Variants in DENND1A observed in about 807,000 individuals in gnomAD.
DENND1A encodes DENN domain-containing protein 1A.
DENND1A carries 51 observed loss-of-function variants against 113.7 expected under a neutral mutation model. That is an observed-to-expected ratio of 0.45 (90% CI 0.36 to 0.57). The LOEUF is 0.57. Among genes scored for constraint, DENND1A ranks in the 20% least tolerant of loss-of-function variants. The pLI is 0.00. For synonymous variants in DENND1A, 565 were observed against 570.8 expected, an observed-to-expected ratio of 0.99 and a Z score of 0.14; for missense variants, 1,258 against 1,395.9, an observed-to-expected ratio of 0.90 and a Z score of 1.57.
intron 5 of DENND1A, among the ~76,000 whole-genome samples, chr9:123,719,550 A>G (rs922838433): frequency 2.6e-5 from 4 of 152,216 alleles, no homozygotes; most frequent in African/African-American, 9.7e-5. Flanking sequence ...CGTTTTAAAG[A>G]GAGTGAATAC....
chr9:123,451,855 C>T (rs910822883), intron 17 of DENND1A, among the ~76,000 whole-genome samples: 1 of 152,216 alleles, frequency 6.6e-6, no homozygotes, highest in Non-Finnish European at 1.5e-5. Flanking sequence ...CAGGAAAGAG[C>T]TCAGCAGCCT....
intron 5 of DENND1A, among the ~76,000 whole-genome samples, chr9:123,748,789 C>A (rs79855837): frequency 0.03 from 4,543 of 152,250 alleles, 248 homozygotes; most frequent in African/African-American, 0.1. Flanking sequence ...GACACTCAAA[C>A]TCAATCAAAA....
chr9:123,731,268 T>G (rs1191680859), intron 5 of DENND1A, among the ~76,000 whole-genome samples: 1 of 152,118 alleles, frequency 6.6e-6, no homozygotes, highest in African/African-American at 2.4e-5. Context: ...AAAAAAAAAT[T>G]TTTAATGAAA....
chr9:123,489,369 G>GACCTGGC (rs1430599902), intron 13 of DENND1A, among the ~76,000 whole-genome samples: 2 of 152,220 alleles, frequency 1.3e-5, no homozygotes, highest in Non-Finnish European at 2.9e-5. Flanking sequence ...GCACTGAGTA[G>GACCTGGC]ATGATCCTGA....
chr9:123,392,615 G>A (rs536175193), intron 21 of DENND1A, among the ~76,000 whole-genome samples: 3 of 152,244 alleles, frequency 2.0e-5, no homozygotes, highest in African/African-American at 7.2e-5. Context: ...TCCTAGTCAG[G>A]CTACCTTGGA....
At chr9:123,776,481 G>A (rs749924356) in intron 3 of DENND1A, among the ~76,000 whole-genome samples, 2 of 152,128 alleles carry the variant, frequency 1.3e-5, no homozygotes, top group Non-Finnish European at 2.9e-5. Context: ...CTTTTAACTT[G>A]TAAGAATGCT....
chr9:123,450,739 T>A lies in DENND1A; in HGVS notation c.1310A>T (p.His437Leu). 1 of 1,611,900 alleles carries A rather than the reference T, an allele frequency of 6.2e-7. No individual in the cohort carries two copies. The highest frequency in any genetic ancestry group is 8.5e-7 in the Non-Finnish European group (1 of 1,179,452). ...MKTVYKFAKD[H>L]AKMGIKEVKN... is the part of the protein sequence containing the mutation. ...CACCTCTTTTATTCCCATTTTTGCA[T>A]GATCTTTTGCCTGCATGAAAAATTA... The change falls in exon 18 of 24, where the codon CAT becomes CTT. Residue 437 changes from histidine to leucine, a missense_variant. This residue lies in a region of DENND1A where 1,159 missense variants were observed against 1,231.7 expected (regional missense o/e 0.94). Coordinates refer to ENST00000394215, the MANE Select transcript of DENND1A (RefSeq NM_001352964.2).
intron 2 of DENND1A, among the ~76,000 whole-genome samples, chr9:123,815,558 C>A (rs879480523): frequency 6.6e-6 from 1 of 152,094 alleles, no homozygotes; most frequent in Admixed American, 6.5e-5. Flanking sequence ...TTATATAGCA[C>A]TTGCAGTATA....
intron 1 of DENND1A, 143 bp downstream of exon 1, chr9:123,929,745 GT>G (rs969637854): frequency 2.3e-4 from 37 of 159,554 alleles, no homozygotes; most frequent in Admixed American, 2.6e-4. Context: ...CATAGCAACC[GT>G]CCCCCTCCCC....
At chr9:123,696,649 A>C (rs145018466) in intron 5 of DENND1A, among the ~76,000 whole-genome samples, 297 of 152,324 alleles carry the variant, frequency 1.9e-3, no homozygotes, top group African/African-American at 7.0e-3. Flanking sequence ...TTCTAACCAG[A>C]AGCAGCTGCT....
At chr9:123,475,314 T>C (rs2049813891) in intron 13 of DENND1A, among the ~76,000 whole-genome samples, 1 of 152,200 alleles carries the variant, frequency 6.6e-6, no homozygotes, top group East Asian at 1.9e-4. Context: ...CCACCGCATC[T>C]GGCCTGTTGC....
At chr9:123,828,727 A>C (rs2132726550) in intron 2 of DENND1A, among the ~76,000 whole-genome samples, 1 of 152,274 alleles carries the variant, frequency 6.6e-6, no homozygotes, top group Middle Eastern at 3.4e-3. Flanking sequence ...GTAAGCCAGA[A>C]GACAATGAGA....
chr9:123,401,985 T>C (rs1340684341), intron 21 of DENND1A: 1 of 1,592,736 alleles, frequency 6.3e-7, no homozygotes, highest in Non-Finnish European at 8.6e-7. Flanking sequence ...CCTGGTACAG[T>C]GTCTAAAAGG....
At chr9:123,445,167 C>G (rs1489369791) in intron 18 of DENND1A, among the ~76,000 whole-genome samples, 1 of 152,186 alleles carries the variant, frequency 6.6e-6, no homozygotes, top group Non-Finnish European at 1.5e-5. Context: ...ACATGAGTCT[C>G]CATGAGAAAT....
chr9:123,569,999 C>T (rs1361828495), intron 12 of DENND1A, among the ~76,000 whole-genome samples: 1 of 152,122 alleles, frequency 6.6e-6, no homozygotes. Context: ...CTATTTGGGT[C>T]TCATCTTTTG....
chr9:123,904,642 G>T (rs1344214937), intron 1 of DENND1A, among the ~76,000 whole-genome samples: 1 of 150,550 alleles, frequency 6.6e-6, no homozygotes, highest in Non-Finnish European at 1.5e-5. Context: ...AATGAAGCGA[G>T]AAGGGAAGTT....
At chr9:123,881,121 T>C (rs1260478570) in intron 1 of DENND1A, among the ~76,000 whole-genome samples, 3 of 152,126 alleles carry the variant, frequency 2.0e-5, no homozygotes, top group South Asian at 2.1e-4. Context: ...TATTTAAATA[T>C]ACCTTGTCAA....
At chr9:123,576,587 C>G (rs2058651443) in intron 12 of DENND1A, among the ~76,000 whole-genome samples, 2 of 152,088 alleles carry the variant, frequency 1.3e-5, no homozygotes, top group South Asian at 4.2e-4. Context: ...AAATCTCTGC[C>G]TCCTGGGTTC....
intron 2 of DENND1A, among the ~76,000 whole-genome samples, chr9:123,851,726 C>T (rs1564389673): frequency 1.3e-5 from 2 of 152,142 alleles, no homozygotes; most frequent in Admixed American, 1.3e-4. Flanking sequence ...AGCAGATTCA[C>T]AGGACAACAA....
Sources: allele counts gnomAD v4.1 joint callset (sites outside exome capture counted in the v4.1 genomes callset), GRCh38; gene constraint gnomAD v4.1.1; regional missense constraint gnomAD v4.1.1; transcripts MANE v1.5; gene names NCBI Gene and HGNC (gene_info 2026-07-23, HGNC 2026-07-21).